NXPE2: variants seen among roughly 807,000 people sequenced by gnomAD.
NXPE2 encodes the protein NXPE family member 2.
A neutral mutation model predicts 34.4 loss-of-function variants in NXPE2; 34 were observed. That is an observed-to-expected ratio of 0.99 (90% CI 0.75 to 1.31). NXPE2 has a LOEUF of 1.31. Among genes scored for constraint, NXPE2 ranks in the 40% most tolerant of loss-of-function variants. The pLI is 0.00. For synonymous variants in NXPE2, 235 were observed against 231.3 expected (o/e 1.02, Z -0.15); for missense variants, 649 against 672.5 (o/e 0.97, Z 0.39).
the NXPE2 span, among the ~76,000 whole-genome samples, chr11:114,803,319 T>C: frequency 6.6e-6 from 1 of 152,244 alleles, no homozygotes; most frequent in South Asian, 2.1e-4. Flanking sequence ...GGATAGCACA[T>C]TTTATAATAG....
the NXPE2 span, chr11:114,530,666 C>T: frequency 6.2e-7 from 1 of 1,614,196 alleles, no homozygotes; most frequent in Non-Finnish European, 8.5e-7. Flanking sequence ...GCTGGTCTCC[C>T]CTGCAGTATG....
At chr11:114,589,667 GGTTGAGTT>G in the NXPE2 span, among the ~76,000 whole-genome samples, 1 of 152,148 alleles carries the variant, frequency 6.6e-6, no homozygotes, top group Admixed American at 6.5e-5. Flanking sequence ...AGGAAGAATA[GGTTGAGTT>G]GTAACCACTA....
the NXPE2 span, among the ~76,000 whole-genome samples, chr11:114,611,880 T>C: frequency 1.3e-5 from 2 of 151,926 alleles, no homozygotes; most frequent in Admixed American, 1.3e-4. Flanking sequence ...ATGAGAAATA[T>C]TGCCTCATGG....
chr11:114,703,697 GATGATAGATAGATA>G (rs1951414433), intron 3 of NXPE2, among the ~76,000 whole-genome samples: 2 of 18,018 alleles, frequency 1.1e-4, no homozygotes, highest in African/African-American at 6.4e-4. Flanking sequence ...TAGATAGATA[GATGATAGATAGATA>G]GATAGACAGA....
At chr11:114,747,240 T>C in the NXPE2 span, among the ~76,000 whole-genome samples, 1 of 152,184 alleles carries the variant, frequency 6.6e-6, no homozygotes, top group Non-Finnish European at 1.5e-5. Context: ...TTATGTTCAA[T>C]TAGGTGTCTG....
the NXPE2 span, among the ~76,000 whole-genome samples, chr11:114,593,236 T>G: frequency 6.6e-6 from 1 of 151,950 alleles, no homozygotes. Flanking sequence ...GAGTGAAGAG[T>G]TAACCTACAG....
the NXPE2 span, among the ~76,000 whole-genome samples, chr11:114,596,479 C>T: frequency 2.0e-5 from 3 of 152,144 alleles, no homozygotes; most frequent in Non-Finnish European, 4.4e-5. Flanking sequence ...TCAATCTTTC[C>T]AGTCTTATGT....
chr11:114,723,557 C>A, the NXPE2 span, among the ~76,000 whole-genome samples: 1 of 152,172 alleles, frequency 6.6e-6, no homozygotes, highest in African/African-American at 2.4e-5. Flanking sequence ...TGTACAGCTA[C>A]AAATTCCCCT....
the NXPE2 span, among the ~76,000 whole-genome samples, chr11:114,633,099 ATAT>A: frequency 2.5e-5 from 3 of 119,908 alleles, no homozygotes; most frequent in African/African-American, 1.0e-4. Context: ...TGTATTTTAT[ATAT>A]TTTACATTAT....
At chr11:114,587,114 C>T in the NXPE2 span, among the ~76,000 whole-genome samples, 2 of 152,186 alleles carry the variant, frequency 1.3e-5, no homozygotes, top group Non-Finnish European at 2.9e-5. Flanking sequence ...CTAATTCTCG[C>T]TTTTTTTGCC....
chr11:114,599,752 A>T, the NXPE2 span, among the ~76,000 whole-genome samples: 1 of 152,084 alleles, frequency 6.6e-6, no homozygotes, highest in African/African-American at 2.4e-5. Flanking sequence ...GTGAGAACTC[A>T]CTCACTATAC....
chr11:114,790,804 C>T, the NXPE2 span, among the ~76,000 whole-genome samples: 1 of 152,040 alleles, frequency 6.6e-6, no homozygotes, highest in African/African-American at 2.4e-5. Flanking sequence ...AAGGAAGGAG[C>T]CTTTGCCAAC....
chr11:114,627,977 A>G, the NXPE2 span, among the ~76,000 whole-genome samples: 2,440 of 152,076 alleles, frequency 0.016, 20 homozygotes, highest in Middle Eastern at 0.038. Flanking sequence ...TAACTATCCT[A>G]AATATATATG....
chr11:114,594,704 G>A, the NXPE2 span: 1 of 1,604,206 alleles, frequency 6.2e-7, no homozygotes. Flanking sequence ...GATCCAGGAG[G>A]CTAATATAAA....
the NXPE2 span, among the ~76,000 whole-genome samples, chr11:114,753,087 G>C: frequency 6.6e-6 from 1 of 152,196 alleles, no homozygotes; most frequent in African/African-American, 2.4e-5. Flanking sequence ...CGTGTTTTAA[G>C]GAGGAAGGAG....
At chr11:114,778,579 T>G in the NXPE2 span, among the ~76,000 whole-genome samples, 1 of 152,058 alleles carries the variant, frequency 6.6e-6, no homozygotes, top group Non-Finnish European at 1.5e-5. Context: ...ATTTGAGAGA[T>G]AATTTGGAGG....
At chr11:114,619,366 A>T in the NXPE2 span, among the ~76,000 whole-genome samples, 1 of 151,338 alleles carries the variant, frequency 6.6e-6, no homozygotes, top group Non-Finnish European at 1.5e-5. Flanking sequence ...GGTAGATAAT[A>T]AGTGTTGCCA....
At chr11:114,751,850 G>C in the NXPE2 span, among the ~76,000 whole-genome samples, 7 of 152,132 alleles carry the variant, frequency 4.6e-5, no homozygotes, top group African/African-American at 1.4e-4. Flanking sequence ...AAAATGGCAG[G>C]GGGGTTAGAG....
chr11:114,513,239 T>A, the NXPE2 span: 2 of 524,900 alleles, frequency 3.8e-6, no homozygotes, highest in East Asian at 9.3e-5. Flanking sequence ...GTCTCGAGGG[T>A]TGAGGATGGT....
Sources: allele counts gnomAD v4.1 joint callset (sites outside exome capture counted in the v4.1 genomes callset), GRCh38; gene constraint gnomAD v4.1.1; transcripts MANE v1.5; gene names NCBI Gene and HGNC (gene_info 2026-07-23, HGNC 2026-07-21).